The following SLC11A1 variants were observed in gnomAD, a reference collection of about 807,000 sequenced individuals.
The protein encoded by SLC11A1 is solute carrier family 11 member 1.
A neutral mutation model predicts 63.2 loss-of-function variants in SLC11A1; 59 were observed. The observed-to-expected ratio is 0.93, with a 90% confidence interval of 0.76 to 1.16. The LOEUF is 1.16. SLC11A1 is among the 50% of genes most tolerant of loss of function. The pLI, the probability that SLC11A1 is intolerant of heterozygous loss-of-function variation, is 0.00. For synonymous variants in SLC11A1, 305 were observed against 307.8 expected, an observed-to-expected ratio of 0.99 and a Z score of 0.09; for missense variants, 688 against 730.7, an observed-to-expected ratio of 0.94 and a Z score of 0.67.
At chr2:218,382,896 C>T (rs889948936) in intron 1 of SLC11A1, 64 bp from the exon 2 acceptor site, 19 of 1,601,394 alleles carry the variant, frequency 1.2e-5, no homozygotes, top group South Asian at 6.6e-5. Context: ...AAGGATCAGG[C>T]GGCTTTAACT....
Position 218,391,191 on chromosome 2 carries a change from C to G in SLC11A1, c.955-7C>G. On this transcript the variant is annotated splice_region_variant and splice_polypyrimidine_tract_variant and intron_variant, in intron 9 of 14. Coordinates refer to ENST00000233202, the MANE Select transcript of SLC11A1 (RefSeq NM_000578.4). ...ACATCTTCCTTCTACTGCCCTGGTA[C>G]CCACAGTTCAACATCTGTGCCAACA... is the stretch of plus-strand genomic sequence containing the variant. 3 of 1,613,014 alleles carry G rather than the reference C, an allele frequency of 1.9e-6. No individual in the cohort carries two copies. Among genetic ancestry groups the G allele is most frequent in the Non-Finnish European group, 2.5e-6 (3 of 1,178,970 alleles).
intron 4 of SLC11A1, 135 bp from the exon 5 acceptor site, chr2:218,386,500 T>G (rs1244018419): frequency 3.2e-6 from 2 of 625,530 alleles, no homozygotes; most frequent in African/African-American, 3.7e-5. Context: ...TCCTGTATGC[T>G]CTTCCTACAT....
intron 2 of SLC11A1, 58 bp downstream of exon 2, chr2:218,383,160 C>A: frequency 6.3e-7 from 1 of 1,577,620 alleles, no homozygotes; most frequent in African/African-American, 1.3e-5. Context: ...TGAAGGATCC[C>A]ATGGGCTGGA....
chr2:218,385,136 C>A lies in SLC11A1; in HGVS notation c.274-11C>A, dbSNP rs1215518980. 13 of 1,613,364 alleles carry A rather than the reference C, an allele frequency of 8.1e-6. No individual in the cohort carries two copies. In the South Asian group the frequency reaches 1.3e-4, roughly 16 times the overall value. On this transcript the variant is annotated splice_polypyrimidine_tract_variant and intron_variant, in intron 3 of 14. Transcript: ENST00000233202. ...CTCTCTGGCTGAAGGCCTCTCCCTG[C>A]CTCCTCACAGCTTCTCTGGGTGCTG...
At chr2:218,388,898 G>A (rs1696276378) in intron 8 of SLC11A1, among the ~76,000 whole-genome samples, 1 of 152,148 alleles carries the variant, frequency 6.6e-6, no homozygotes, top group Non-Finnish European at 1.5e-5. Flanking sequence ...GATCGCTTGA[G>A]CCCAGGAGTT....
intron 4 of SLC11A1, among the ~76,000 whole-genome samples, chr2:218,386,242 C>T (rs570566043): frequency 2.0e-5 from 3 of 152,244 alleles, no homozygotes; most frequent in Non-Finnish European, 2.9e-5. Flanking sequence ...CACCTGAGGT[C>T]GGGAGTTCGA....
intron 6 of SLC11A1, 89 bp downstream of exon 6, chr2:218,387,319 G>A: frequency 4.0e-6 from 5 of 1,253,904 alleles, no homozygotes; most frequent in Non-Finnish European, 5.6e-6. Context: ...GCCTGGGAGC[G>A]CACCTGAGCT....
rs1696117913 is a variant in SLC11A1, at chr2:218,386,616, G to A, written c.394-19G>A. On this transcript the variant is annotated intron_variant, in intron 4 of 14. Coordinates refer to ENST00000233202, the MANE Select transcript of SLC11A1 (RefSeq NM_000578.4). ...AATAACCGGCCCACCCTTAATGAAG[G>A]ATCATCTCCTCCCCATAGGTGCCCC... is the stretch of plus-strand genomic sequence containing the variant. 1.9e-6 allele frequency: 3 copies of A among 1,582,386 alleles called. No individual in the cohort carries two copies. Among genetic ancestry groups the A allele is most frequent in the Admixed American group, 3.4e-5 (2 of 59,678 alleles).
In SLC11A1 at chr2:218,391,366, G is replaced by A. The variant is rs774396848; in HGVS notation, c.1045-10G>A. 1.3e-5 allele frequency: 21 copies of A among 1,613,840 alleles called. No individual in the cohort carries two copies. In the South Asian group the frequency reaches 1.5e-4, roughly 12 times the overall value. On this transcript the variant is annotated splice_polypyrimidine_tract_variant and intron_variant, in intron 10 of 14. Coordinates refer to ENST00000233202, the MANE Select transcript of SLC11A1 (RefSeq NM_000578.4). ...CAGGGCCACCGGTCCTACCACACTC[G>A]TCCCTGCAGGGCGTGATCCTGGGCT...
At position 218,387,258 on chromosome 2, in the gene SLC11A1, A is replaced by AGTG. The variant is rs754480755; in HGVS notation, c.571+38_571+40dup. On this transcript the variant is annotated intron_variant, in intron 6 of 14. Transcript: ENST00000233202. ...GGGTGCACACCCCACCTCATAGGGG[A>AGTG]GTGGTGGTGGTGAGGGTGCTGTACT... 5.7e-6 allele frequency: 9 copies of AGTG among 1,591,332 alleles called. No individual in the cohort carries two copies. In the East Asian group the frequency reaches 2.0e-4, roughly 36 times the overall value.
At chr2:218,394,880 C>T (rs1261734237) in intron 14 of SLC11A1, 45 bp from the exon 15 acceptor site, 4 of 1,606,468 alleles carry the variant, frequency 2.5e-6, no homozygotes, top group Non-Finnish European at 3.4e-6. Context: ...GGGGCTTCCC[C>T]AGAGGTCTTG....
chr2:218,387,230 G>C lies in SLC11A1; in HGVS notation c.571G>C (p.Gly191Arg). 6.2e-7 allele frequency: 1 copy of C among 1,612,628 alleles called. No individual in the cohort carries two copies. Among genetic ancestry groups the C allele is most frequent in the Non-Finnish European group, 8.5e-7 (1 of 1,179,178 alleles). Reference sequence around the variant, plus strand: ...CTTCTTCCTCTTCCTCGATAACTACGGTGGGTGCACACCCCACCTCATAGG... The same window carrying C: ...CTTCTTCCTCTTCCTCGATAACTACCGTGGGTGCACACCCCACCTCATAGG... ...TFFFLFLDNYGLRKLEAFFGL... is the reference protein window; with the variant it reads ...TFFFLFLDNYRLRKLEAFFGL... The change falls in exon 6 of 15, where the codon GGG becomes CGG. Residue 191 changes from glycine (G) to arginine (R), a missense_variant and splice_region_variant. Coordinates refer to ENST00000233202, the MANE Select transcript of SLC11A1 (RefSeq NM_000578.4).
chr2:218,385,702 T>A, intron 4 of SLC11A1: 1 of 352,736 alleles, frequency 2.8e-6, no homozygotes, highest in South Asian at 2.1e-5. Flanking sequence ...CAATTCCATT[T>A]GATAGATGGA....
chr2:218,384,561 C>A lies in SLC11A1; in HGVS notation c.273+196C>A. On this transcript the variant is annotated intron_variant, in intron 3 of 14. Coordinates refer to ENST00000233202, the MANE Select transcript of SLC11A1 (RefSeq NM_000578.4). The surrounding 1 kb of genome is among the most constrained non-coding windows in gnomAD (Gnocchi z 4.0). ...GTGTGGGGGGTAGGGGACTGGACTC[C>A]TCTCTTTAAAATATATATATGTATA... 3.1e-6 allele frequency: 1 copy of A among 325,174 alleles called. No homozygotes were observed. Among genetic ancestry groups the A allele is most frequent in the Non-Finnish European group, 5.6e-6 (1 of 179,006 alleles). The allele number at this position is 325,174 out of a possible 1,614,324, so 20.1% of individuals were successfully genotyped here.
intron 4 of SLC11A1, among the ~76,000 whole-genome samples, chr2:218,386,353 G>A (rs996955211): frequency 3.3e-5 from 5 of 151,982 alleles, no homozygotes; most frequent in Non-Finnish European, 5.9e-5. Context: ...TCGGGAGGCT[G>A]AGGCAGGAGA....
rs1696693667 is a variant in SLC11A1 at position 218,395,197 on chromosome 2, A to G, written c.*162A>G. Reference sequence around the variant, plus strand: ...TGTTTCCTAGCGCAGCCATGTGATTACCCTCTGGGTCTCAGTGTCCTCATC... The same window carrying G: ...TGTTTCCTAGCGCAGCCATGTGATTGCCCTCTGGGTCTCAGTGTCCTCATC... On this transcript the variant is annotated 3_prime_UTR_variant, in exon 15 of 15. Transcript: ENST00000233202. 3.3e-6 allele frequency: 2 copies of G among 606,852 alleles called. No homozygotes were observed. Among genetic ancestry groups the G allele is most frequent in the Admixed American group, 2.8e-5 (1 of 35,492 alleles). The allele number at this position is 606,852 out of a possible 1,614,324, so 37.6% of individuals were successfully genotyped here.
chr2:218,394,363 C>A, intron 13 of SLC11A1, 170 bp downstream of exon 13: 1 of 752,188 alleles, frequency 1.3e-6, no homozygotes, highest in South Asian at 1.8e-5. Context: ...GGAGCCAAGA[C>A]TGGAATCCAG....
At chr2:218,387,654 C>A (rs2290708) in intron 7 of SLC11A1, 22 bp downstream of exon 7, 1 of 1,613,542 alleles carries the variant, frequency 6.2e-7, no homozygotes, top group Non-Finnish European at 8.5e-7. Flanking sequence ...GTGCTGCAAC[C>A]CCACTGTGGA....
In SLC11A1 at chr2:218,395,191, G is replaced by T; in HGVS notation, c.*156G>T. 1 of 613,216 alleles carries T rather than the reference G, an allele frequency of 1.6e-6. No homozygotes were observed. The highest frequency in any genetic ancestry group is 2.9e-6 in the Non-Finnish European group (1 of 345,376). 38.0% of individuals were successfully genotyped at this position (613,216 alleles called of 1,614,324 possible). ...ACCTGCTGTTTCCTAGCGCAGCCAT[G>T]TGATTACCCTCTGGGTCTCAGTGTC... On this transcript the variant is annotated 3_prime_UTR_variant, in exon 15 of 15. Transcript: ENST00000233202.
Sources: gnomAD v4.1 joint callset for allele counts (sites outside exome capture counted in the v4.1 genomes callset) on GRCh38, gnomAD v4.1.1 for gene constraint, Gnocchi (gnomAD v3.1) non-coding constraint, MANE v1.5 for transcripts, NCBI Gene and HGNC (gene_info 2026-07-23, HGNC 2026-07-21) for gene names.